Variants in ARHGEF4 observed in about 807,000 individuals in gnomAD.
The protein encoded by ARHGEF4 is APC-stimulated guanine nucleotide exchange factor 1.
Under a neutral mutation model 162.0 loss-of-function variants are expected in ARHGEF4, and 119 were observed. The observed-to-expected ratio is 0.73, with a 90% CI of 0.63 to 0.86. The LOEUF (loss-of-function observed/expected upper bound fraction) is 0.86, where lower values mean the gene tolerates loss of function less well. Ranked by LOEUF, ARHGEF4 falls within the 40% of genes least tolerant of loss-of-function variation. The pLI, the probability that ARHGEF4 is intolerant of heterozygous loss-of-function variation, is 0.00. For synonymous variants in ARHGEF4, 1,014 were observed against 979.9 expected, an observed-to-expected ratio of 1.03 and a Z score of -0.65; for missense variants, 2,488 against 2,456.0, an observed-to-expected ratio of 1.01 and a Z score of -0.28.
At chr2:130,965,499 C>G (rs1261714927) in intron 4 of ARHGEF4, among the ~76,000 whole-genome samples, 1 of 152,218 alleles carries the variant, frequency 6.6e-6, no homozygotes, top group Non-Finnish European at 1.5e-5. Context: ...CATCCCTGTT[C>G]CCTTGAAACT....
In ARHGEF4 at chr2:130,842,866, G is replaced by A. The variant is rs1234963504; in HGVS notation, c.39+5874G>A. Among the ~76,000 whole-genome samples the A allele has an allele frequency of 5.3e-5, 8 of 152,322 alleles. No individual in the cohort carries two copies. In the East Asian group the frequency reaches 7.7e-4, roughly 15 times the overall value. On this transcript the variant is annotated intron_variant, in intron 1 of 13. Coordinates refer to ENST00000409359, the MANE Select transcript of ARHGEF4 (RefSeq NM_001367493.1). ...TCCAGTTAAGTGAAAAAAGAGTGACGTCTTGGCAGGTTGGGGGTAGCTCAT... is the reference window on the plus strand; with the variant it reads ...TCCAGTTAAGTGAAAAAAGAGTGACATCTTGGCAGGTTGGGGGTAGCTCAT...
intron 2 of ARHGEF4, among the ~76,000 whole-genome samples, chr2:130,926,429 A>C (rs1423747961): frequency 6.6e-6 from 1 of 152,004 alleles, no homozygotes; most frequent in Non-Finnish European, 1.5e-5. Context: ...ATTCAAGTTG[A>C]GATTTTCCCT....
chr2:131,023,610 ATGC>A (rs1689287678), intron 4 of ARHGEF4, among the ~76,000 whole-genome samples: 1 of 152,224 alleles, frequency 6.6e-6, no homozygotes, highest in African/African-American at 2.4e-5. Context: ...ACAATACCAA[ATGC>A]TGCTGAAGAT....
chr2:130,937,064 G>C (rs1234890200), intron 3 of ARHGEF4, among the ~76,000 whole-genome samples: 1 of 151,206 alleles, frequency 6.6e-6, no homozygotes, highest in Non-Finnish European at 1.5e-5. Flanking sequence ...TGCACCACCA[G>C]GCCTGGCTAA....
intron 4 of ARHGEF4, chr2:130,964,232 TGCGC>T: frequency 1.0e-6 from 1 of 985,508 alleles, no homozygotes; most frequent in Non-Finnish European, 1.2e-6. Flanking sequence ...CTGGAGAGCC[TGCGC>T]TCGGCCACCG....
intron 5 of ARHGEF4, among the ~76,000 whole-genome samples, chr2:131,032,400 G>GCCAGGA (rs1689912284): frequency 6.6e-6 from 1 of 151,906 alleles, no homozygotes; most frequent in South Asian, 2.1e-4. Context: ...TTCCCGTGCC[G>GCCAGGA]CTGGACATCC....
intron 1 of ARHGEF4, among the ~76,000 whole-genome samples, chr2:130,884,403 C>G (rs1185583318): frequency 1.3e-5 from 2 of 152,038 alleles, no homozygotes. Context: ...CATTTTCTAG[C>G]TATGTAACAT....
rs183301615 is a variant in ARHGEF4 at position 130,852,467 on chromosome 2, C to T, written c.39+15475C>T. The stretch of plus-strand genomic sequence containing the variant: ...CTCCAAGGAGGCTGCACAGATGAAG[C>T]GATGCCTTGATGAGACTGACTGTGG... On this transcript the variant is annotated intron_variant, in intron 1 of 13. Transcript: ENST00000409359. Among the ~76,000 whole-genome samples the T allele has an allele frequency of 3.0e-3, 443 of 148,674 alleles. 3 individuals carry two copies. Among genetic ancestry groups the T allele is most frequent in the African/African-American group, 0.011 (424 of 40,044 alleles).
chr2:130,874,340 G>A (rs1678689898), intron 1 of ARHGEF4, among the ~76,000 whole-genome samples: 1 of 152,248 alleles, frequency 6.6e-6, no homozygotes, highest in African/African-American at 2.4e-5. Context: ...ACATTGGTGG[G>A]GAGCTGAGGA....
intron 1 of ARHGEF4, among the ~76,000 whole-genome samples, chr2:130,880,170 A>T (rs1236514185): frequency 6.6e-6 from 1 of 152,084 alleles, no homozygotes; most frequent in African/African-American, 2.4e-5. Context: ...GCTGGCGGAG[A>T]TCTGGGACTT....
intron 4 of ARHGEF4, among the ~76,000 whole-genome samples, chr2:130,993,203 T>C (rs933734898): frequency 6.6e-6 from 1 of 152,256 alleles, no homozygotes; most frequent in African/African-American, 2.4e-5. Flanking sequence ...TCATTTTAAT[T>C]ATCATTCAGT....
intron 1 of ARHGEF4, among the ~76,000 whole-genome samples, chr2:130,912,262 G>C (rs1017348287): frequency 5.9e-5 from 9 of 152,260 alleles, no homozygotes; most frequent in African/African-American, 2.2e-4. Context: ...CGTACAGTCA[G>C]GGCGCCTGGC....
At chr2:130,901,649 C>T (rs1680496619) in intron 1 of ARHGEF4, among the ~76,000 whole-genome samples, 1 of 151,902 alleles carries the variant, frequency 6.6e-6, no homozygotes, top group African/African-American at 2.4e-5. Context: ...GCCTCCCAAG[C>T]AGCTGGGACT....
intron 5 of ARHGEF4, among the ~76,000 whole-genome samples, chr2:131,030,475 C>T (rs1689774739): frequency 6.6e-6 from 1 of 152,226 alleles, no homozygotes; most frequent in South Asian, 2.1e-4. Context: ...AGTGTTGCTG[C>T]TTTGCCTTAA....
intron 1 of ARHGEF4, among the ~76,000 whole-genome samples, chr2:130,905,815 A>G (rs1386385832): frequency 6.6e-6 from 1 of 152,204 alleles, no homozygotes; most frequent in African/African-American, 2.4e-5. Flanking sequence ...ACTTTATCAT[A>G]GGTATATATG....
chr2:130,866,806 G>T (rs1682309899), intron 1 of ARHGEF4, among the ~76,000 whole-genome samples: 1 of 152,164 alleles, frequency 6.6e-6, no homozygotes, highest in African/African-American at 2.4e-5. Flanking sequence ...TTGCATCTGT[G>T]TTTATGAGAG....
chr2:130,990,245 G>C (rs1686851806), intron 4 of ARHGEF4, among the ~76,000 whole-genome samples: 1 of 152,098 alleles, frequency 6.6e-6, no homozygotes, highest in African/African-American at 2.4e-5. Flanking sequence ...TGTAGCTGAG[G>C]GGAAAATATG....
At chr2:130,995,361 G>A (rs1203818938) in intron 4 of ARHGEF4, among the ~76,000 whole-genome samples, 1 of 152,066 alleles carries the variant, frequency 6.6e-6, no homozygotes, top group Non-Finnish European at 1.5e-5. Context: ...GCTTCCGTTT[G>A]TTTCTTTCCT....
chr2:130,905,051 C>T (rs1274209658), intron 1 of ARHGEF4, among the ~76,000 whole-genome samples: 2 of 152,146 alleles, frequency 1.3e-5, no homozygotes, highest in African/African-American at 4.8e-5. Context: ...TGCACTCCAG[C>T]CTAGGCGACA....
Sources: gnomAD v4.1 joint callset for allele counts (sites outside exome capture counted in the v4.1 genomes callset) on GRCh38, gnomAD v4.1.1 for gene constraint, MANE v1.5 for transcripts, NCBI Gene and HGNC (gene_info 2026-07-23, HGNC 2026-07-21) for gene names.